The following QARS1 variants were observed in gnomAD, a reference collection of about 807,000 sequenced individuals.
The protein encoded by QARS1 is glutaminyl-tRNA synthetase 1.
In QARS1, 79 loss-of-function variants were observed where a neutral mutation model predicts 106.9. The observed-to-expected ratio is 0.74, with a 90% CI of 0.62 to 0.89. QARS1 has a LOEUF of 0.89. Among genes scored for constraint, QARS1 ranks in the 40% least tolerant of loss-of-function variants. The pLI is 0.00. For missense variants in QARS1, 966 were observed against 997.2 expected (o/e 0.97, Z 0.42); for synonymous variants, 395 against 367.7 (o/e 1.07, Z -0.85).
At position 49,100,133 on chromosome 3, in the gene QARS1, C is replaced by T. The variant is rs765831544; in HGVS notation, c.1165-42G>A. On this transcript the variant is annotated intron_variant, in intron 13 of 23. Transcript: ENST00000306125. ...CTCAGGCTGTCTCTAAGCACAGGAG[C>T]ATCTCATTCTCAGCACCTTGGCCCA... 15 of 1,614,240 alleles carry T rather than the reference C, an allele frequency of 9.3e-6. No homozygotes were observed. In the South Asian group the frequency reaches 1.5e-4, roughly 17 times the overall value.
Position 49,099,249 on chromosome 3 carries a change from C to G in QARS1, c.1619G>C (p.Gly540Ala). 6.2e-7 allele frequency: 1 copy of G among 1,614,188 alleles called. No individual in the cohort carries two copies. Among genetic ancestry groups the G allele is most frequent in the East Asian group, 2.2e-5 (1 of 44,886 alleles). ...EAINNFCARV[G>A]VTVAQTTMEP... ...CATTGTGGTTTGTGCCACAGTCACTCCCACCTGGCAGGAAAGTTCAGCATC... is the reference window on the plus strand; with the variant it reads ...CATTGTGGTTTGTGCCACAGTCACTGCCACCTGGCAGGAAAGTTCAGCATC... The change falls in exon 18 of 24, where the codon GGA (glycine) becomes GCA (alanine). Residue 540 changes from glycine to alanine, a missense_variant. Gly to Ala is a moderately conservative substitution (Grantham distance 60). Transcript: ENST00000306125.
chr3:49,097,006 AAAG>A (rs1281890763), intron 23 of QARS1: 2 of 150,950 alleles, frequency 1.3e-5, no homozygotes, highest in African/African-American at 2.4e-5. Flanking sequence ...AAAAAAAAAA[AAAG>A]GATGGCAGGG....
In QARS1 at chr3:49,098,490, G is replaced by C. The variant is rs367835872; in HGVS notation, c.1957-10C>G. Reference sequence around the variant, plus strand: ...CACAACCACTGGGGCCCTGGAAGTGGGGGGAGGGGAGCAGCAATTAGACCC... The same window carrying C: ...CACAACCACTGGGGCCCTGGAAGTGCGGGGAGGGGAGCAGCAATTAGACCC... On this transcript the variant is annotated splice_polypyrimidine_tract_variant and intron_variant, in intron 20 of 23. Coordinates refer to ENST00000306125, the MANE Select transcript of QARS1 (RefSeq NM_005051.3). 15 of 1,613,992 alleles carry C rather than the reference G, an allele frequency of 9.3e-6. No individual in the cohort carries two copies. Among genetic ancestry groups the C allele is most frequent in the Admixed American group, 5.0e-5 (3 of 60,000 alleles).
rs780478501 is a variant in QARS1 at position 49,098,484 on chromosome 3, G to T, written c.1957-4C>A. 6.2e-7 allele frequency: 1 copy of T among 1,614,156 alleles called. No homozygotes were observed. The highest frequency in any genetic ancestry group is 1.1e-5 in the South Asian group (1 of 91,082). The stretch of plus-strand genomic sequence containing the variant: ...TCTCTACACAACCACTGGGGCCCTG[G>T]AAGTGGGGGGAGGGGAGCAGCAATT... On this transcript the variant is annotated splice_region_variant and splice_polypyrimidine_tract_variant and intron_variant, in intron 20 of 23. Transcript: ENST00000306125.
At chr3:49,100,753 CAG>C in intron 10 of QARS1, 79 bp from the exon 11 acceptor site, 1 of 1,192,384 alleles carries the variant, frequency 8.4e-7, no homozygotes, top group South Asian at 1.2e-5. Flanking sequence ...AGGATATTCA[CAG>C]AGCACTCTCA....
In QARS1 at chr3:49,099,492, C is replaced by A. The variant is rs1034536041; in HGVS notation, c.1526+18G>T. On this transcript the variant is annotated intron_variant, in intron 16 of 23. Coordinates refer to ENST00000306125, the MANE Select transcript of QARS1 (RefSeq NM_005051.3). The stretch of plus-strand genomic sequence containing the variant: ...GCATATGCCATTAACCTTTCATAAG[C>A]CAAACAGCCGCACCTACCGCACAGC... The A allele has an allele frequency of 8.7e-6, 14 of 1,614,054 alleles. No homozygotes were observed. The highest frequency in any genetic ancestry group is 1.2e-5 in the Non-Finnish European group (14 of 1,180,026).
At position 49,100,475 on chromosome 3, in the gene QARS1, C is replaced by A; in HGVS notation, c.977-17G>T. On this transcript the variant is annotated splice_polypyrimidine_tract_variant and intron_variant, in intron 11 of 23. Coordinates refer to ENST00000306125, the MANE Select transcript of QARS1 (RefSeq NM_005051.3). ...GTGTGTAGCCTGGGGCAAAATGAAA[C>A]AAAGTATGAGCAGCCAGCCACAAAC... 6.2e-7 allele frequency: 1 copy of A among 1,613,272 alleles called. No individual in the cohort carries two copies. The highest frequency in any genetic ancestry group is 1.1e-5 in the South Asian group (1 of 91,066).
rs768289723 is a variant in QARS1 at position 49,104,641 on chromosome 3, C to T, written c.93G>A (p.Ala31=). ...RETLKNSALS[A]QLREAATQAQ... is the part of the protein sequence containing the mutation. ...CCTGAGTAGCGGCCTCGCGCAGCTG[C>T]GCGCTCAGAGCCGAGTTCTTGAGCG... Residue 31 remains alanine, a synonymous_variant, in exon 1 of 24, where the codon GCG becomes GCA. Coordinates refer to ENST00000306125, the MANE Select transcript of QARS1 (RefSeq NM_005051.3). 4.4e-6 allele frequency: 7 copies of T among 1,606,118 alleles called. No homozygotes were observed. Among genetic ancestry groups the T allele is most frequent in the Non-Finnish European group, 6.0e-6 (7 of 1,174,228 alleles).
At chr3:49,103,271 T>C in intron 5 of QARS1, 74 bp downstream of exon 5, 1 of 1,510,796 alleles carries the variant, frequency 6.6e-7, no homozygotes, top group Non-Finnish European at 9.2e-7. Context: ...TTCCTGCCTT[T>C]TATCCCTTAG....
Position 49,099,342 on chromosome 3 carries a change from A to G in QARS1, c.1614+2T>C. 1 of 1,614,060 alleles carries G rather than the reference A, an allele frequency of 6.2e-7. No individual in the cohort carries two copies. The highest frequency in any genetic ancestry group is 8.5e-7 in the Non-Finnish European group (1 of 1,179,978). On this transcript the variant is annotated splice_donor_variant, in intron 17 of 23. Transcript: ENST00000306125. LOFTEE classifies it high-confidence loss of function. ...GTATCTACCCAACCTGCTGGGCTAT[A>G]CCCGGGCACAGAAGTTGTTGATGGC...
intron 4 of QARS1, 23 bp downstream of exon 4, chr3:49,103,608 G>A: frequency 1.3e-5 from 21 of 1,609,848 alleles, no homozygotes; most frequent in Non-Finnish European, 1.7e-5. Context: ...GAACAATATA[G>A]CCCCGTTCCA....
Position 49,104,412 on chromosome 3 carries a change from C to G in QARS1, c.177G>C (p.Leu59Phe). Residue 59 changes from leucine (L) to phenylalanine (F), a missense_variant, in exon 2 of 24, where the codon TTG becomes TTC. By Grantham distance (22) the Leu-to-Phe change is conservative (BLOSUM62 0). Coordinates refer to ENST00000306125, the MANE Select transcript of QARS1 (RefSeq NM_005051.3). ...DKATGILLYG[L>F]ASRLRDTRRL... ...GCCGGGTATCCCTGAGTCGGGAGGC[C>G]AAGCCATATAACAGGATCCCGGTAG... The G allele has an allele frequency of 1.2e-6, 2 of 1,614,182 alleles. No homozygotes were observed. The highest frequency in any genetic ancestry group is 1.7e-6 in the Non-Finnish European group (2 of 1,180,036).
At chr3:49,097,902 A>G (rs1027270380) in intron 23 of QARS1, 90 bp downstream of exon 23, 43 of 1,538,848 alleles carry the variant, frequency 2.8e-5, no homozygotes, top group Admixed American at 2.4e-4. Flanking sequence ...GGTGAGGATT[A>G]ACTAAGGGAA....
chr3:49,100,778 C>CT (rs754501546), intron 10 of QARS1, 104 bp from the exon 11 acceptor site: 631 of 1,037,884 alleles, frequency 6.1e-4, no homozygotes, highest in Non-Finnish European at 7.7e-4. Context: ...TCAGAATTTT[C>CT]TTTTTTTTTG....
chr3:49,103,794 A>G, intron 3 of QARS1, 69 bp downstream of exon 3: 1 of 1,597,644 alleles, frequency 6.3e-7, no homozygotes, highest in Non-Finnish European at 8.6e-7. Flanking sequence ...CTTCCTGAGG[A>G]GGGAAACTGA....
rs758959179 is a variant in QARS1 at position 49,103,665 on chromosome 3, C to T, written c.417G>A (p.Val139=). The change falls in exon 4 of 24, where the codon GTG becomes GTA. Residue 139 remains valine (V), a synonymous_variant. Transcript: ENST00000306125. Reference sequence around the variant, plus strand: ...GCCCCATGTTGAAATGGTAACGTTCCACCAGGAGCTGGGGCCGGTGCCTGT... The same window carrying T: ...GCCCCATGTTGAAATGGTAACGTTCTACCAGGAGCTGGGGCCGGTGCCTGT... ...AINRHRPQLL[V]ERYHFNMGLL... 6 of 1,613,868 alleles carry T rather than the reference C, an allele frequency of 3.7e-6. No individual in the cohort carries two copies. The highest frequency in any genetic ancestry group is 5.1e-6 in the Non-Finnish European group (6 of 1,179,906).
intron 5 of QARS1, 146 bp from the exon 6 acceptor site, chr3:49,102,618 T>C: frequency 1.3e-6 from 1 of 792,588 alleles, no homozygotes; most frequent in Non-Finnish European, 2.1e-6. Context: ...TCTCTTCTCA[T>C]GTGGGTCTGC....
Position 49,099,158 on chromosome 3 carries a change from A to C in QARS1, c.1710T>G (p.Ala570=). Residue 570 remains alanine (A), a synonymous_variant, in exon 18 of 24, where the codon GCT becomes GCG. Coordinates refer to ENST00000306125, the MANE Select transcript of QARS1 (RefSeq NM_005051.3). ...VLNDTAPRAM[A]VLESLRVIIT... ...TGATGACCCGTAGTGACTCCAGCAC[A>C]GCCATGGCTCGTGGGGCTGTGTCAT... 6.2e-7 allele frequency: 1 copy of C among 1,614,208 alleles called. No homozygotes were observed. The highest frequency in any genetic ancestry group is 8.5e-7 in the Non-Finnish European group (1 of 1,180,034).
chr3:49,103,514 C>T, intron 4 of QARS1, 105 bp from the exon 5 acceptor site: 2 of 1,562,778 alleles, frequency 1.3e-6, no homozygotes, highest in South Asian at 1.1e-5. Context: ...AGAGCCTGAG[C>T]CCAGCCAGAC....
Sources: allele counts gnomAD v4.1 joint callset, GRCh38; gene constraint gnomAD v4.1.1; transcripts MANE v1.5; gene names NCBI Gene and HGNC (gene_info 2026-07-23, HGNC 2026-07-21).